MTG1: variants seen among roughly 807,000 people sequenced by gnomAD.
MTG1 encodes mitochondrial ribosome associated GTPase 1.
A neutral mutation model predicts 39.5 loss-of-function variants in MTG1; 30 were observed. That is an observed-to-expected ratio of 0.76 (90% CI 0.57 to 1.03). The LOEUF (loss-of-function observed/expected upper bound fraction) is 1.03. MTG1 is among the 50% of genes least tolerant of loss of function. MTG1 has a pLI of 0.00. For missense variants in MTG1, 513 were observed against 447.4 expected, an observed-to-expected ratio of 1.15 and a Z score of -1.32; for synonymous variants, 217 against 179.0, an observed-to-expected ratio of 1.21 and a Z score of -1.69.
chr10:133,396,539 T>C (rs559983868), intron 3 of MTG1, among the ~76,000 whole-genome samples: 5 of 152,148 alleles, frequency 3.3e-5, no homozygotes, highest in Admixed American at 6.5e-5. Context: ...GAGTGGTCAG[T>C]GAGTGCGCAT....
At chr10:133,398,971 T>A (rs1849828361) in intron 4 of MTG1, among the ~76,000 whole-genome samples, 199 bp from the exon 5 acceptor site, 1 of 152,190 alleles carries the variant, frequency 6.6e-6, no homozygotes, top group African/African-American at 2.4e-5. Flanking sequence ...CTTGGTGTGC[T>A]ACCTCCAGAT....
At chr10:133,407,571 CT>C (rs1159757820) in intron 9 of MTG1, among the ~76,000 whole-genome samples, 201 of 140,004 alleles carry the variant, frequency 1.4e-3, no homozygotes, top group Admixed American at 1.8e-3. Context: ...TTCTTGATTT[CT>C]TTTTTTTTTT....
rs977129620 is a variant in MTG1 at position 133,420,384 on chromosome 10, G to A, written c.*219G>A. 4 of 488,210 alleles carry A rather than the reference G, an allele frequency of 8.2e-6. No homozygotes were observed. The Admixed American group carries it at 1.5e-4, about 18-fold the overall frequency. 30.2% of individuals were successfully genotyped at this position (488,210 alleles called of 1,614,324 possible). On this transcript the variant is annotated 3_prime_UTR_variant, in exon 11 of 11. Coordinates refer to ENST00000317502, the MANE Select transcript of MTG1 (RefSeq NM_138384.4). ...CAGGCTTCCCAGTGGACGTCCCTGA[G>A]CAGCTCCGCATGCTTGGTTCTCCCG...
chr10:133,396,340 A>G (rs1376528569), intron 3 of MTG1, 73 bp downstream of exon 3: 3 of 1,318,568 alleles, frequency 2.3e-6, no homozygotes, highest in Middle Eastern at 2.4e-4. Flanking sequence ...CTAACGGAAG[A>G]GTTGCCGGAC....
chr10:133,416,373 T>G (rs1209340711), intron 9 of MTG1, among the ~76,000 whole-genome samples: 1 of 136,078 alleles, frequency 7.3e-6, no homozygotes, highest in Non-Finnish European at 1.6e-5. Context: ...TTTTGGATGA[T>G]ATATATATAT....
At chr10:133,395,896 G>C (rs1346118365) in intron 2 of MTG1, 119 bp downstream of exon 2, 1 of 1,060,250 alleles carries the variant, frequency 9.4e-7, no homozygotes, top group Admixed American at 2.1e-5. Context: ...CAGTTAATCA[G>C]AATCTGTGAT....
chr10:133,418,207 T>C (rs1317589289), intron 9 of MTG1, among the ~76,000 whole-genome samples: 1 of 152,204 alleles, frequency 6.6e-6, no homozygotes, highest in African/African-American at 2.4e-5. Flanking sequence ...TTTCACCATA[T>C]TGGTGAACAG....
intron 1 of MTG1, chr10:133,394,692 A>G (rs759364192): frequency 1.2e-5 from 13 of 1,094,310 alleles, no homozygotes; most frequent in Non-Finnish European, 1.4e-5. Context: ...GACAAGATAG[A>G]CTTTTCTGAG....
At chr10:133,410,574 A>G (rs1850032751) in intron 9 of MTG1, among the ~76,000 whole-genome samples, 4 of 152,218 alleles carry the variant, frequency 2.6e-5, no homozygotes, top group African/African-American at 7.2e-5. Flanking sequence ...GTAGTGTACC[A>G]TCAGGCTTAC....
chr10:133,408,450 G>C (rs917933859), intron 9 of MTG1, among the ~76,000 whole-genome samples: 21 of 152,180 alleles, frequency 1.4e-4, no homozygotes, highest in African/African-American at 5.1e-4. Flanking sequence ...TGTTGAATTT[G>C]GGTTGCTGGT....
chr10:133,416,572 G>T (rs1850137477), intron 9 of MTG1, among the ~76,000 whole-genome samples: 2 of 109,580 alleles, frequency 1.8e-5, no homozygotes, highest in Admixed American at 1.3e-4. Context: ...CCCCACAACA[G>T]TCCCAGGTGT....
intron 6 of MTG1, among the ~76,000 whole-genome samples, chr10:133,400,466 T>G (rs1849859156): frequency 6.6e-6 from 1 of 152,230 alleles, no homozygotes; most frequent in African/African-American, 2.4e-5. Flanking sequence ...CAAGTTTAAT[T>G]CAAGTCCTTG....
At chr10:133,401,674 G>A (rs755503050) in intron 7 of MTG1, 84 bp downstream of exon 7, 1 of 1,360,942 alleles carries the variant, frequency 7.3e-7, no homozygotes, top group African/African-American at 1.4e-5. Flanking sequence ...GTGGCTTCCG[G>A]CTGCTGACCA....
intron 9 of MTG1, among the ~76,000 whole-genome samples, chr10:133,403,591 G>A (rs990712157): frequency 2.6e-5 from 4 of 152,194 alleles, no homozygotes; most frequent in East Asian, 1.9e-4. Context: ...CCCGTGTGTC[G>A]TCGTGTGTTG....
chr10:133,401,502 G>T, intron 6 of MTG1, 27 bp from the exon 7 acceptor site: 2 of 1,539,896 alleles, frequency 1.3e-6, no homozygotes, highest in Non-Finnish European at 8.7e-7. Flanking sequence ...GTATACATTT[G>T]AGCCTCCTTT....
chr10:133,410,732 A>G (rs79197027), intron 9 of MTG1, among the ~76,000 whole-genome samples: 1,770 of 152,326 alleles, frequency 0.012, 39 homozygotes, highest in African/African-American at 0.041. Context: ...TGATCGTGCC[A>G]TCGCACTTCA....
intron 10 of MTG1, 97 bp downstream of exon 10, chr10:133,419,689 C>A: frequency 9.8e-7 from 1 of 1,016,172 alleles, no homozygotes; most frequent in Non-Finnish European, 1.5e-6. Flanking sequence ...AGGAACGTGT[C>A]AAGGAGCATG....
At chr10:133,401,801 GT>G (rs1410947556) in intron 7 of MTG1, 3 of 700,396 alleles carry the variant, frequency 4.3e-6, no homozygotes, top group Non-Finnish European at 7.7e-6. Flanking sequence ...AAGGCACGCT[GT>G]TTTCCCCATT....
At chr10:133,399,317 C>A (rs548235813) in intron 5 of MTG1, 91 bp downstream of exon 5, 4 of 1,473,694 alleles carry the variant, frequency 2.7e-6, no homozygotes, top group East Asian at 2.3e-5. Context: ...GAAGGCGCAG[C>A]GCCCCAGGCA....
Sources: allele counts gnomAD v4.1 joint callset (sites outside exome capture counted in the v4.1 genomes callset), GRCh38; gene constraint gnomAD v4.1.1; transcripts MANE v1.5; gene names NCBI Gene and HGNC (gene_info 2026-07-23, HGNC 2026-07-21).